TFG: variants seen among roughly 807,000 people sequenced by gnomAD.
TFG encodes the protein protein TFG.
Under a neutral mutation model 51.4 loss-of-function variants are expected in TFG, and 22 were observed. The observed-to-expected ratio is 0.43, with a 90% CI of 0.31 to 0.61. The LOEUF is 0.61. Ranked by LOEUF, TFG falls within the 20% of genes least tolerant of loss-of-function variation. The probability of loss-of-function intolerance (pLI) is 0.12; values close to 1 mark genes in which losing one functional copy is unlikely to be tolerated. For missense variants in TFG, 419 were observed against 487.7 expected (o/e 0.86, Z 1.33); for synonymous variants, 187 against 165.6 (o/e 1.13, Z -0.99).
At chr3:100,717,977 C>T (rs935663331) in intron 2 of TFG, among the ~76,000 whole-genome samples, 6 of 151,922 alleles carry the variant, frequency 3.9e-5, no homozygotes, top group Admixed American at 2.6e-4. Context: ...CAAGCTGGAG[C>T]GCAGTGGTGT....
rs564751750 is a variant in TFG at position 100,741,184 on chromosome 3, C to G, written c.722-3649C>G. 2.6e-5 allele frequency among the ~76,000 whole-genome samples: 4 copies of G among 152,120 alleles called. 1 individual carries two copies. Among genetic ancestry groups the G allele is most frequent in the Admixed American group, 2.6e-4 (4 of 15,272 alleles). ...CCTACTTATTTAAAAAAAAACAAAG[C>G]TGTAGAACCAGGCTCAGATAGGTCC... On this transcript the variant is annotated intron_variant, in intron 6 of 7. Coordinates refer to ENST00000240851, the MANE Select transcript of TFG (RefSeq NM_006070.6).
intron 4 of TFG, among the ~76,000 whole-genome samples, chr3:100,730,613 A>C (rs2095088817): frequency 6.6e-6 from 1 of 152,218 alleles, no homozygotes; most frequent in Non-Finnish European, 1.5e-5. Context: ...ACAAAATGAA[A>C]TTGCCAATCA....
intron 6 of TFG, chr3:100,744,171 T>C (rs1313248269): frequency 6.6e-6 from 1 of 152,206 alleles, no homozygotes; most frequent in Admixed American, 6.5e-5. Context: ...ATAGGACAAA[T>C]AGGACTCCCA....
chr3:100,744,886 C>T lies in TFG; in HGVS notation c.775C>T (p.Gln259Ter), dbSNP rs1423180945. 6.2e-7 allele frequency: 1 copy of T among 1,613,594 alleles called. No individual in the cohort carries two copies. The highest frequency in any genetic ancestry group is 8.5e-7 in the Non-Finnish European group (1 of 1,179,752). Residue 259 changes from glutamine to a stop codon, truncating the protein, a stop_gained, in exon 7 of 8, where the codon CAG (glutamine) becomes TAG (stop). Transcript: ENST00000240851. LOFTEE classifies it high-confidence loss of function. The stretch of plus-strand genomic sequence containing the variant: ...GGCCGGCTATGGTGCACAGCAGCCG[C>T]AGGCTCCACCTCAGCAGCCTCAACA... ...QQAGYGAQQP[Q>*]APPQQPQQYG...
At chr3:100,723,690 T>C (rs1048510355) in intron 3 of TFG, among the ~76,000 whole-genome samples, 6 of 152,202 alleles carry the variant, frequency 3.9e-5, no homozygotes, top group African/African-American at 1.4e-4. Context: ...CACTTATGCA[T>C]GTTAGCTTTA....
At chr3:100,746,916 T>G (rs2095136354) in intron 7 of TFG, among the ~76,000 whole-genome samples, 1 of 152,214 alleles carries the variant, frequency 6.6e-6, no homozygotes, top group African/African-American at 2.4e-5. Context: ...TAGGAGAACT[T>G]GTATGACATT....
At chr3:100,722,872 T>C (rs1144107) in intron 3 of TFG, among the ~76,000 whole-genome samples, 37,004 of 152,076 alleles carry the variant, frequency 0.24, 5,396 homozygotes, top group Non-Finnish European at 0.34. Context: ...GTGGTCTTCA[T>C]CAAGAAGGAA....
intron 2 of TFG, among the ~76,000 whole-genome samples, chr3:100,717,811 A>G (rs542926993): frequency 6.6e-6 from 1 of 152,204 alleles, no homozygotes; most frequent in Middle Eastern, 3.4e-3. Context: ...TTTATATAAG[A>G]TTATGTCATC....
chr3:100,713,945 G>A, intron 2 of TFG, 76 bp downstream of exon 2: 1 of 989,338 alleles, frequency 1.0e-6, no homozygotes, highest in Non-Finnish European at 1.4e-6. Flanking sequence ...CTGTTGCCCA[G>A]GCTGGAGTAC....
chr3:100,733,028 T>C (rs112746341), intron 5 of TFG, among the ~76,000 whole-genome samples: 7 of 152,368 alleles, frequency 4.6e-5, no homozygotes, highest in South Asian at 2.1e-4. Flanking sequence ...ATTCGAATTA[T>C]ATTTGATTTG....
intron 7 of TFG, among the ~76,000 whole-genome samples, chr3:100,746,673 C>G (rs2095135780): frequency 3.3e-5 from 5 of 151,990 alleles, no homozygotes; most frequent in Admixed American, 3.3e-4. Context: ...GACTGGTGGG[C>G]TGCTAATGAA....
intron 7 of TFG, among the ~76,000 whole-genome samples, chr3:100,745,330 A>G (rs563976982): frequency 2.0e-5 from 3 of 152,312 alleles, no homozygotes; most frequent in Admixed American, 6.5e-5. Context: ...ACAGTTTACT[A>G]TACATGGAAA....
At chr3:100,748,102 A>G (rs1398898197) in intron 7 of TFG, 47 bp from the exon 8 acceptor site, 2 of 1,562,500 alleles carry the variant, frequency 1.3e-6, no homozygotes, top group South Asian at 1.2e-5. Context: ...TTGGAAAAGT[A>G]GTTTTACTAA....
intron 4 of TFG, 22 bp from the exon 5 acceptor site, chr3:100,732,486 G>A (rs1559716144): frequency 1.9e-6 from 3 of 1,581,324 alleles, no homozygotes; most frequent in East Asian, 4.5e-5. Flanking sequence ...ACAAGTTTTT[G>A]TTTATTCCTC....
chr3:100,739,412 T>A (rs1367765699), intron 6 of TFG, among the ~76,000 whole-genome samples: 1 of 151,452 alleles, frequency 6.6e-6, no homozygotes, highest in East Asian at 1.9e-4. Context: ...CCAAAAGGGA[T>A]AATGTTACTC....
intron 4 of TFG, among the ~76,000 whole-genome samples, chr3:100,730,731 A>G (rs1417927242): frequency 1.3e-5 from 2 of 152,162 alleles, no homozygotes; most frequent in Non-Finnish European, 2.9e-5. Flanking sequence ...TTTTCCTTTA[A>G]GAGGCAAATG....
intron 6 of TFG, among the ~76,000 whole-genome samples, chr3:100,737,552 CT>C (rs544971364): frequency 1.0e-3 from 155 of 152,290 alleles, no homozygotes; most frequent in African/African-American, 3.5e-3. Context: ...GTGTTGGGAC[CT>C]TTAAAGCCGC....
intron 1 of TFG, among the ~76,000 whole-genome samples, chr3:100,712,681 G>A (rs913983797): frequency 6.6e-6 from 1 of 152,092 alleles, no homozygotes; most frequent in African/African-American, 2.4e-5. Flanking sequence ...AAACATAATC[G>A]TTTACTTCCT....
intron 6 of TFG, among the ~76,000 whole-genome samples, chr3:100,738,160 G>C (rs979735604): frequency 6.6e-6 from 1 of 151,872 alleles, no homozygotes; most frequent in Non-Finnish European, 1.5e-5. Flanking sequence ...ACATTTTGCT[G>C]ATGAATCAGT....
Sources: allele counts gnomAD v4.1 joint callset (sites outside exome capture counted in the v4.1 genomes callset), GRCh38; gene constraint gnomAD v4.1.1; transcripts MANE v1.5; gene names NCBI Gene and HGNC (gene_info 2026-07-23, HGNC 2026-07-21).